NCOA7: variants seen among roughly 807,000 people sequenced by gnomAD.
NCOA7 encodes nuclear receptor coactivator 7, also known as 140 kDa estrogen receptor-associated protein.
Under a neutral mutation model 104.3 loss-of-function variants are expected in NCOA7, and 45 were observed. The observed-to-expected ratio is 0.43, with a 90% CI of 0.34 to 0.55. NCOA7 has a LOEUF of 0.55. Among genes scored for constraint, NCOA7 ranks in the 20% least tolerant of loss-of-function variants. The probability of loss-of-function intolerance (pLI) is 0.02; values close to 1 mark genes in which losing one functional copy is unlikely to be tolerated. For synonymous variants in NCOA7, 398 were observed against 402.3 expected (o/e 0.99, Z 0.13); for missense variants, 1,041 against 1,119.7 (o/e 0.93, Z 1.00).
In NCOA7 at chr6:125,928,918, T is replaced by C; in HGVS notation, c.*147T>C. 1 of 846,098 alleles carries C rather than the reference T, an allele frequency of 1.2e-6. No individual in the cohort carries two copies. The highest frequency in any genetic ancestry group is 1.8e-6 in the Non-Finnish European group (1 of 569,518). The allele number at this position is 846,098 out of a possible 1,614,324, so 52.4% of individuals were successfully genotyped here. A position where few individuals can be genotyped will look rare whatever the true frequency, so the allele number is the denominator to read the frequency against. On this transcript the variant is annotated 3_prime_UTR_variant, in exon 16 of 16. Transcript: ENST00000392477. ...CCATCATCTCAGAGCATGATCACAT[T>C]GCAGAAAGATTCTGGAAGGTCCATG... is the stretch of plus-strand genomic sequence containing the variant.
At chr6:125,794,115 G>A (rs556952730) in intron 1 of NCOA7, among the ~76,000 whole-genome samples, 3 of 152,292 alleles carry the variant, frequency 2.0e-5, no homozygotes, top group African/African-American at 7.2e-5. Flanking sequence ...CCCACACTGA[G>A]GGATTTTATT....
At chr6:125,898,860 T>C (rs969410648) in intron 10 of NCOA7, among the ~76,000 whole-genome samples, 1 of 152,046 alleles carries the variant, frequency 6.6e-6, no homozygotes, top group African/African-American at 2.4e-5. Context: ...ATAATTAAAA[T>C]TATACAGACT....
intron 3 of NCOA7, among the ~76,000 whole-genome samples, chr6:125,869,618 A>C (rs1782719717): frequency 6.6e-6 from 1 of 152,216 alleles, no homozygotes; most frequent in African/African-American, 2.4e-5. Context: ...AAGGGACCTT[A>C]AAAGTGAAAG....
chr6:125,833,178 C>A (rs978076471), intron 2 of NCOA7, among the ~76,000 whole-genome samples: 14 of 151,962 alleles, frequency 9.2e-5, no homozygotes, highest in African/African-American at 3.4e-4. Context: ...AGTTTAACCT[C>A]ATTAAAGAGA....
chr6:125,789,588 T>C (rs1192953409), upstream of NCOA7, among the ~76,000 whole-genome samples: 4 of 151,714 alleles, frequency 2.6e-5, no homozygotes. Context: ...ACACAATGGC[T>C]ACAGAAAAAA....
At chr6:125,801,337 A>G (rs975527328) in intron 1 of NCOA7, among the ~76,000 whole-genome samples, 7 of 152,300 alleles carry the variant, frequency 4.6e-5, no homozygotes, top group Non-Finnish European at 1.0e-4. Flanking sequence ...CCAGGAGGCA[A>G]TTGGTAAATA....
At chr6:125,834,396 AT>A (rs1779438857) in intron 2 of NCOA7, among the ~76,000 whole-genome samples, 2 of 152,192 alleles carry the variant, frequency 1.3e-5, no homozygotes, top group African/African-American at 4.8e-5. Flanking sequence ...ATCTAGATTC[AT>A]TTATTTACTT....
At chr6:125,919,969 T>C (rs1682551524) in intron 11 of NCOA7, among the ~76,000 whole-genome samples, 1 of 152,242 alleles carries the variant, frequency 6.6e-6, no homozygotes. Flanking sequence ...TTGTCTAATA[T>C]AATCCTTCAC....
Position 125,922,754 on chromosome 6 carries a change from A to G in NCOA7, c.2443A>G (p.Thr815Ala). The change falls in exon 13 of 16, where the codon ACC becomes GCC. Residue 815 changes from threonine to alanine, a missense_variant. Transcript: ENST00000392477. ...GGCCTATAGCACGTTAGAGCACGGG[A>G]CCAGCTTAAAGACGCTCTACCGGAA... ...RLAYSTLEHGTSLKTLYRKSA... is the reference protein window; with the variant it reads ...RLAYSTLEHGASLKTLYRKSA... The G allele has an allele frequency of 6.2e-7, 1 of 1,614,120 alleles. No individual in the cohort carries two copies. The highest frequency in any genetic ancestry group is 1.1e-5 in the South Asian group (1 of 91,070).
chr6:125,921,059 C>T lies in NCOA7; in HGVS notation c.2361C>T (p.His787=), dbSNP rs554354103. 3 of 1,613,124 alleles carry T rather than the reference C, an allele frequency of 1.9e-6. No individual in the cohort carries two copies. The highest frequency in any genetic ancestry group is 1.1e-5 in the South Asian group (1 of 91,078). The change falls in exon 12 of 16, where the codon CAC becomes CAT. Residue 787 remains histidine (H), a synonymous_variant. Coordinates refer to ENST00000392477, the MANE Select transcript of NCOA7 (RefSeq NM_181782.5). ...RPHSALLENM[H]IEQLARRLPA... Reference sequence around the variant, plus strand: ...ACAGCGCGCTCCTGGAGAATATGCACATCGAGCAGGTGGGCTCGCCCTGGC... The same window carrying T: ...ACAGCGCGCTCCTGGAGAATATGCATATCGAGCAGGTGGGCTCGCCCTGGC...
chr6:125,894,032 G>T (rs1342113705), intron 10 of NCOA7, among the ~76,000 whole-genome samples: 1 of 152,156 alleles, frequency 6.6e-6, no homozygotes, highest in African/African-American at 2.4e-5. Context: ...CCTGGGAGGT[G>T]CTGGCTCCTC....
chr6:125,888,838 G>A (rs1784428130), intron 8 of NCOA7, 101 bp from the exon 9 acceptor site: 1 of 774,848 alleles, frequency 1.3e-6, no homozygotes, highest in African/African-American at 1.7e-5. Context: ...TTATGTATTG[G>A]TTTTTGGTTG....
chr6:125,875,278 G>A (rs1483914091), intron 4 of NCOA7: 1 of 257,004 alleles, frequency 3.9e-6, no homozygotes, highest in Non-Finnish European at 8.0e-6. Context: ...ACCACTCCAT[G>A]TGCATCCCTC....
At chr6:125,907,476 A>T (rs1451514679) in intron 10 of NCOA7, among the ~76,000 whole-genome samples, 2 of 152,214 alleles carry the variant, frequency 1.3e-5, no homozygotes, top group Non-Finnish European at 2.9e-5. Flanking sequence ...CGGAAGGTGC[A>T]GGAGCGGGAA....
At chr6:125,912,852 A>G (rs1786708626) in intron 10 of NCOA7, among the ~76,000 whole-genome samples, 1 of 152,182 alleles carries the variant, frequency 6.6e-6, no homozygotes, top group African/African-American at 2.4e-5. Context: ...CTACATAAAC[A>G]CTACAAATAT....
intron 3 of NCOA7, among the ~76,000 whole-genome samples, chr6:125,867,921 C>T (rs374228216): frequency 2.0e-5 from 3 of 152,256 alleles, no homozygotes; most frequent in African/African-American, 7.2e-5. Flanking sequence ...CTCACCAGTG[C>T]GGTGTTTCGG....
At chr6:125,826,027 C>T (rs1012917392) in intron 2 of NCOA7, among the ~76,000 whole-genome samples, 5 of 152,062 alleles carry the variant, frequency 3.3e-5, no homozygotes, top group Admixed American at 2.0e-4. Flanking sequence ...ACACTTTATA[C>T]GAAATGGCAT....
At chr6:125,844,574 G>T (rs614031) in intron 2 of NCOA7, among the ~76,000 whole-genome samples, 70,184 of 151,916 alleles carry the variant, frequency 0.46, 16,519 homozygotes, top group African/African-American at 0.53. Context: ...GCATATAATG[G>T]CTCATAAGTG....
At chr6:125,814,491 A>G (rs1390033799) in intron 1 of NCOA7, among the ~76,000 whole-genome samples, 1 of 152,180 alleles carries the variant, frequency 6.6e-6, no homozygotes, top group Admixed American at 6.5e-5. Context: ...TGAACAAACT[A>G]TTGCTTCAGG....
Sources: gnomAD v4.1 joint callset for allele counts (sites outside exome capture counted in the v4.1 genomes callset) on GRCh38, gnomAD v4.1.1 for gene constraint, MANE v1.5 for transcripts, NCBI Gene and HGNC (gene_info 2026-07-23, HGNC 2026-07-21) for gene names.